SORCS2: variants seen among roughly 807,000 people sequenced by gnomAD.
The protein encoded by SORCS2 is sortilin related VPS10 domain containing receptor 2, also known as VPS10 domain-containing receptor SorCS2.
SORCS2 carries 100 observed loss-of-function variants against 141.6 expected under a neutral mutation model. That is an observed-to-expected ratio of 0.71 (90% CI 0.60 to 0.83). SORCS2 has a LOEUF of 0.83. Among genes scored for constraint, SORCS2 ranks in the 40% least tolerant of loss-of-function variants. The pLI is 0.00. For missense variants in SORCS2, 1,646 were observed against 1,560.2 expected (o/e 1.05, Z -0.93); for synonymous variants, 789 against 676.9 (o/e 1.17, Z -2.57).
At chr4:7,308,789 C>A (rs975474069) in intron 1 of SORCS2, among the ~76,000 whole-genome samples, 6 of 152,070 alleles carry the variant, frequency 3.9e-5, no homozygotes, top group Non-Finnish European at 5.9e-5. Context: ...CTCTCTCTAG[C>A]ACCCTGTCTT....
intron 1 of SORCS2, among the ~76,000 whole-genome samples, chr4:7,236,472 G>T (rs1175425834): frequency 6.6e-6 from 1 of 152,188 alleles, no homozygotes; most frequent in Non-Finnish European, 1.5e-5. Flanking sequence ...TGCTGGGGCA[G>T]GAGGGGTTGA....
intron 19 of SORCS2, among the ~76,000 whole-genome samples, chr4:7,724,382 T>TG (rs1726894139): frequency 7.2e-6 from 1 of 139,170 alleles, no homozygotes; most frequent in Non-Finnish European, 1.5e-5. Context: ...ATGGTGGTGA[T>TG]AGGGTGTTGG....
chr4:7,321,673 A>T (rs1296214055), intron 1 of SORCS2, among the ~76,000 whole-genome samples: 1 of 152,186 alleles, frequency 6.6e-6, no homozygotes, highest in Non-Finnish European at 1.5e-5. Flanking sequence ...TCCAGGCCTA[A>T]AGAGGGCTGG....
chr4:7,240,216 C>T (rs1255147304), intron 1 of SORCS2, among the ~76,000 whole-genome samples: 1 of 152,164 alleles, frequency 6.6e-6, no homozygotes, highest in South Asian at 2.1e-4. Flanking sequence ...GGGCAGAGAA[C>T]AAAACACCAG....
chr4:7,362,858 A>G (rs111383187), intron 1 of SORCS2, among the ~76,000 whole-genome samples: 1 of 151,570 alleles, frequency 6.6e-6, no homozygotes, highest in East Asian at 1.9e-4. Flanking sequence ...CACCATCATC[A>G]CCACCACCAT....
chr4:7,197,259 G>C (rs1166459616), intron 1 of SORCS2, among the ~76,000 whole-genome samples: 1 of 152,118 alleles, frequency 6.6e-6, no homozygotes, highest in Admixed American at 6.5e-5. Context: ...TTTTAACTTA[G>C]TTACCTCTTT....
At chr4:7,593,671 G>C (rs908183048) in intron 3 of SORCS2, among the ~76,000 whole-genome samples, 3 of 152,126 alleles carry the variant, frequency 2.0e-5, no homozygotes, top group Non-Finnish European at 4.4e-5. Context: ...GGGTGGGGGC[G>C]GCCCCAGGCG....
chr4:7,693,013 C>G (rs1164823485), intron 11 of SORCS2, among the ~76,000 whole-genome samples: 3 of 152,174 alleles, frequency 2.0e-5, no homozygotes, highest in African/African-American at 4.8e-5. Flanking sequence ...TTTAACCCCC[C>G]GGTGGAGAAT....
chr4:7,210,030 G>A (rs1473802993), intron 1 of SORCS2, among the ~76,000 whole-genome samples: 2 of 152,240 alleles, frequency 1.3e-5, no homozygotes, highest in Non-Finnish European at 2.9e-5. Flanking sequence ...GGGGGCCCCA[G>A]GGCAAGAGCC....
intron 1 of SORCS2, among the ~76,000 whole-genome samples, chr4:7,277,341 G>T (rs920735784): frequency 2.0e-5 from 3 of 152,216 alleles, no homozygotes; most frequent in African/African-American, 7.2e-5. Context: ...AGCTCGCTGA[G>T]CGGGGGTCTC....
chr4:7,531,032 G>T (rs1172088519), intron 2 of SORCS2, among the ~76,000 whole-genome samples: 1 of 152,170 alleles, frequency 6.6e-6, no homozygotes, highest in Non-Finnish European at 1.5e-5. Flanking sequence ...GAGGAGCTCA[G>T]AGTCCAGAGA....
chr4:7,341,055 G>A (rs1403458949), intron 1 of SORCS2, among the ~76,000 whole-genome samples: 1 of 152,226 alleles, frequency 6.6e-6, no homozygotes, highest in Non-Finnish European at 1.5e-5. Flanking sequence ...CAGGAAGCAT[G>A]CCACATCTCA....
intron 1 of SORCS2, among the ~76,000 whole-genome samples, chr4:7,370,118 C>T (rs1040029242): frequency 1.3e-5 from 2 of 152,170 alleles, no homozygotes; most frequent in African/African-American, 4.8e-5. Flanking sequence ...GGGGTGTGTG[C>T]AGGGGACCCA....
At chr4:7,531,744 G>A in intron 3 of SORCS2, 115 bp downstream of exon 3, 1 of 1,024,544 alleles carries the variant, frequency 9.8e-7, no homozygotes, top group Non-Finnish European at 1.5e-6. Flanking sequence ...CCAGGCCGGA[G>A]TGTGAGATGT....
intron 1 of SORCS2, among the ~76,000 whole-genome samples, chr4:7,215,109 G>A (rs1457991059): frequency 6.6e-6 from 1 of 152,188 alleles, no homozygotes. Context: ...CACTCCCTCA[G>A]CTTGCAGGGA....
Position 7,585,687 on chromosome 4 carries a change from C to T in SORCS2, c.649-52641C>T, listed in dbSNP as rs141212714. 9.3e-4 allele frequency among the ~76,000 whole-genome samples: 142 copies of T among 152,336 alleles called. 1 individual carries two copies. The highest frequency in any genetic ancestry group is 3.4e-3 in the African/African-American group (141 of 41,564). On this transcript the variant is annotated intron_variant, in intron 3 of 26. Coordinates refer to ENST00000507866, the MANE Select transcript of SORCS2 (RefSeq NM_020777.3). The stretch of plus-strand genomic sequence containing the variant: ...TTGTTTTATGCGAATGGTTTCAATG[C>T]TCACAGCCTCTTCCATCCTTGAGTT...
At chr4:7,692,326 G>T (rs1255902910) in intron 11 of SORCS2, among the ~76,000 whole-genome samples, 7 of 152,180 alleles carry the variant, frequency 4.6e-5, no homozygotes, top group Admixed American at 2.6e-4. Context: ...GTTCATTCCT[G>T]AATTCCATCC....
chr4:7,635,686 C>G (rs1215324770), intron 3 of SORCS2, among the ~76,000 whole-genome samples: 1 of 152,196 alleles, frequency 6.6e-6, no homozygotes, highest in Non-Finnish European at 1.5e-5. Context: ...TAATCAAAGC[C>G]TCCCCTAACC....
Position 7,496,990 on chromosome 4 carries a change from G to A in SORCS2, c.549-34540G>A, listed in dbSNP as rs368491198. ...TGTAGGAGGGCAGGATGAAGCTAGG[G>A]TGGGTGCTCTTGCGCTGACACACGT... On this transcript the variant is annotated intron_variant, in intron 2 of 26. Transcript: ENST00000507866. Among the ~76,000 whole-genome samples, 5 of 152,322 alleles carry A rather than the reference G, an allele frequency of 3.3e-5. No homozygotes were observed. The East Asian group carries it at 5.8e-4, about 18-fold the overall frequency.
Sources: gnomAD v4.1 joint callset for allele counts (sites outside exome capture counted in the v4.1 genomes callset) on GRCh38, gnomAD v4.1.1 for gene constraint, MANE v1.5 for transcripts, NCBI Gene and HGNC (gene_info 2026-07-23, HGNC 2026-07-21) for gene names.